The following C8orf34 variants were observed in gnomAD, a reference collection of about 807,000 sequenced individuals.
C8orf34 encodes the protein uncharacterized protein C8orf34.
C8orf34 carries 65 observed loss-of-function variants against 68.3 expected under a neutral mutation model. The observed-to-expected ratio is 0.95, with a 90% CI of 0.78 to 1.17. C8orf34 has a LOEUF of 1.17. Among genes scored for constraint, C8orf34 ranks in the 50% most tolerant of loss-of-function variants. The pLI, the probability that C8orf34 is intolerant of heterozygous loss-of-function variation, is 0.00. For missense variants in C8orf34, 664 were observed against 655.4 expected (o/e 1.01, Z -0.14); for synonymous variants, 244 against 241.2 (o/e 1.01, Z -0.11).
chr8:68,721,895 C>A (rs1821688091), intron 10 of C8orf34, among the ~76,000 whole-genome samples: 1 of 151,786 alleles, frequency 6.6e-6, no homozygotes, highest in African/African-American at 2.4e-5. Context: ...ACCTGAAATT[C>A]TATATAAATT....
chr8:68,750,248 C>G (rs1004585827), intron 10 of C8orf34, among the ~76,000 whole-genome samples: 2 of 152,020 alleles, frequency 1.3e-5, no homozygotes, highest in Non-Finnish European at 2.9e-5. Context: ...AATGGATAAA[C>G]TATATGAGAG....
intron 7 of C8orf34, among the ~76,000 whole-genome samples, chr8:68,578,102 A>C (rs1190067484): frequency 6.6e-6 from 1 of 152,042 alleles, no homozygotes; most frequent in Non-Finnish European, 1.5e-5. Flanking sequence ...GGAAGAAGGA[A>C]AGGAACGAAG....
rs140138300 is a variant in C8orf34 at position 68,449,204 on chromosome 8, T to G, written c.607+2744T>G. 2.2e-3 allele frequency among the ~76,000 whole-genome samples: 328 copies of G among 152,240 alleles called. 1 individual carries two copies. The highest frequency in any genetic ancestry group is 7.1e-3 in the African/African-American group (295 of 41,568). ...CAACTTTGATCCTTACCTTAAATCA[T>G]ACCTGAAGAGAGGCAAAAACTTTTT... On this transcript the variant is annotated intron_variant, in intron 3 of 13. Transcript: ENST00000518698.
chr8:68,554,469 A>C (rs2130088178), intron 7 of C8orf34, among the ~76,000 whole-genome samples: 1 of 152,256 alleles, frequency 6.6e-6, no homozygotes, highest in East Asian at 1.9e-4. Context: ...AACTTGTTAA[A>C]TGTGATTAAA....
chr8:68,531,554 A>C (rs761855260), intron 6 of C8orf34, among the ~76,000 whole-genome samples: 33 of 152,274 alleles, frequency 2.2e-4, no homozygotes, highest in African/African-American at 7.7e-4. Context: ...ATTATATCAT[A>C]TTAGGAAGTA....
intron 12 of C8orf34, among the ~76,000 whole-genome samples, chr8:68,800,755 A>G (rs1824306214): frequency 6.6e-6 from 1 of 152,206 alleles, no homozygotes; most frequent in African/African-American, 2.4e-5. Flanking sequence ...GAAGCCCAAA[A>G]GAATGACAGT....
intron 1 of C8orf34, among the ~76,000 whole-genome samples, chr8:68,352,069 G>T (rs1806535175): frequency 6.6e-6 from 1 of 151,860 alleles, no homozygotes; most frequent in African/African-American, 2.4e-5. Flanking sequence ...AGTTTTAAGG[G>T]TTCTTTGTAT....
rs577894286 is a variant in C8orf34 at position 68,672,594 on chromosome 8, T to C, written c.1241+32083T>C. Among the ~76,000 whole-genome samples the C allele has an allele frequency of 1.2e-4, 19 of 152,158 alleles. 1 individual carries two copies. The South Asian group carries it at 4.0e-3, about 32-fold the overall frequency. On this transcript the variant is annotated intron_variant, in intron 8 of 13. Transcript: ENST00000518698. The stretch of plus-strand genomic sequence containing the variant: ...TAGACCAGCCCTAGCTAGAGGGAAA[T>C]CACTCATACCAGCTATCAGAACCTG...
At chr8:68,803,395 GATAA>G (rs1429720980) in intron 12 of C8orf34, among the ~76,000 whole-genome samples, 1 of 151,846 alleles carries the variant, frequency 6.6e-6, no homozygotes, top group Non-Finnish European at 1.5e-5. Flanking sequence ...TAATAAATGA[GATAA>G]ATAATGTCAA....
At chr8:68,583,181 C>A (rs1199424803) in intron 7 of C8orf34, among the ~76,000 whole-genome samples, 1 of 151,944 alleles carries the variant, frequency 6.6e-6, no homozygotes, top group Non-Finnish European at 1.5e-5. Context: ...TGGTCTTTTA[C>A]AGTTATATTT....
chr8:68,590,151 G>A (rs1161526633), intron 7 of C8orf34, among the ~76,000 whole-genome samples: 1 of 142,896 alleles, frequency 7.0e-6, no homozygotes. Flanking sequence ...AAAAGGAAAG[G>A]AAAGGAAAGA....
intron 5 of C8orf34, among the ~76,000 whole-genome samples, chr8:68,497,059 C>T (rs1813555049): frequency 6.6e-6 from 1 of 152,114 alleles, no homozygotes; most frequent in Non-Finnish European, 1.5e-5. Flanking sequence ...AAAAATGTGG[C>T]CCATGTTTGT....
chr8:68,729,691 A>G (rs1313803229), intron 10 of C8orf34, among the ~76,000 whole-genome samples: 1 of 152,186 alleles, frequency 6.6e-6, no homozygotes, highest in Non-Finnish European at 1.5e-5. Context: ...AGCATAAAAA[A>G]TTGTACTCAT....
rs373881109 is a variant in C8orf34 at position 68,629,815 on chromosome 8, G to T, written c.1106-10561G>T. Reference sequence around the variant, plus strand: ...TGTTTATGTTTAAGTGAGTGCATGTGTGTATGTGTGTACAAAGTGAAGTAA... The same window carrying T: ...TGTTTATGTTTAAGTGAGTGCATGTTTGTATGTGTGTACAAAGTGAAGTAA... On this transcript the variant is annotated intron_variant, in intron 7 of 13. Coordinates refer to ENST00000518698, the MANE Select transcript of C8orf34 (RefSeq NM_052958.4). Among the ~76,000 whole-genome samples the T allele has an allele frequency of 3.3e-5, 5 of 152,062 alleles. No individual in the cohort carries two copies. In the East Asian group the frequency reaches 5.8e-4, roughly 18 times the overall value.
At chr8:68,331,834 C>CGAAAAGGT (rs1435774189) in intron 1 of C8orf34, among the ~76,000 whole-genome samples, 1 of 92,086 alleles carries the variant, frequency 1.1e-5, no homozygotes, top group Non-Finnish European at 2.0e-5. Context: ...TAATAGAACC[C>CGAAAAGGT]GAAAAGGTGG....
chr8:68,745,266 G>C (rs1312986087), intron 10 of C8orf34, among the ~76,000 whole-genome samples: 1 of 152,076 alleles, frequency 6.6e-6, no homozygotes, highest in African/African-American at 2.4e-5. Context: ...ACTGGTGCCA[G>C]CCGCTGCAAA....
intron 1 of C8orf34, among the ~76,000 whole-genome samples, chr8:68,403,847 T>A (rs1304364341): frequency 1.3e-5 from 2 of 152,198 alleles, no homozygotes; most frequent in African/African-American, 4.8e-5. Context: ...TAAACATACA[T>A]GTGCATGTGT....
chr8:68,407,156 T>A (rs1431275189), intron 1 of C8orf34, among the ~76,000 whole-genome samples: 1 of 152,032 alleles, frequency 6.6e-6, no homozygotes, highest in Non-Finnish European at 1.5e-5. Context: ...TATATTACAA[T>A]TTTTTTTCTA....
chr8:68,810,387 G>A (rs902837013), intron 12 of C8orf34, among the ~76,000 whole-genome samples: 1 of 152,178 alleles, frequency 6.6e-6, no homozygotes, highest in African/African-American at 2.4e-5. Flanking sequence ...GAATGTGGTG[G>A]TGCCTGTAAT....
Sources: gnomAD v4.1 joint callset for allele counts (sites outside exome capture counted in the v4.1 genomes callset) on GRCh38, gnomAD v4.1.1 for gene constraint, MANE v1.5 for transcripts, NCBI Gene and HGNC (gene_info 2026-07-23, HGNC 2026-07-21) for gene names.